KIAA1671: variants seen among roughly 807,000 people sequenced by gnomAD.
KIAA1671 encodes the protein KIAA1671, also known as uncharacterized protein KIAA1671.
In KIAA1671, 52 loss-of-function variants were observed where a neutral mutation model predicts 131.2. The ratio of observed to expected loss-of-function variants is 0.40; its 90% CI spans 0.32 to 0.50. The LOEUF is 0.50. Ranked by LOEUF, KIAA1671 falls within the 20% of genes least tolerant of loss-of-function variation. The pLI, the probability that KIAA1671 is intolerant of heterozygous loss-of-function variation, is 0.73. For missense variants in KIAA1671, 2,360 were observed against 2,364.2 expected, an observed-to-expected ratio of 1.00 and a Z score of 0.04; for synonymous variants, 1,003 against 961.6, an observed-to-expected ratio of 1.04 and a Z score of -0.80.
chr22:24,983,751 G>A (rs1390478133), intron 1 of KIAA1671, among the ~76,000 whole-genome samples: 1 of 151,058 alleles, frequency 6.6e-6, no homozygotes, highest in Non-Finnish European at 1.5e-5. Flanking sequence ...CCTGGGGTAT[G>A]GGGCCATGGA....
chr22:25,004,689 G>C (rs1207874267), intron 1 of KIAA1671, among the ~76,000 whole-genome samples: 1 of 150,870 alleles, frequency 6.6e-6, no homozygotes, highest in African/African-American at 2.4e-5. Context: ...ACTCACGCCT[G>C]TAATCCCAGC....
At chr22:25,025,493 T>C (rs2123897416) in intron 1 of KIAA1671, 140 bp from the exon 2 acceptor site, 1 of 152,248 alleles carries the variant, frequency 6.6e-6, no homozygotes, top group South Asian at 2.1e-4. Flanking sequence ...GGCTACAAAA[T>C]CGAAAAGCCA....
Position 25,039,916 on chromosome 22 carries a change from A to C in KIAA1671, c.2786A>C (p.Gln929Pro), listed in dbSNP as rs1319185584. The C allele has an allele frequency of 1.0e-5, 16 of 1,551,472 alleles. No individual in the cohort carries two copies. The highest frequency in any genetic ancestry group is 1.3e-5 in the Non-Finnish European group (15 of 1,146,976). ...EGDPGPAQVP[Q>P]PAVRMRKAGA... ...GATCCAGGGCCGGCCCAGGTGCCAC[A>C]GCCTGCAGTCAGAATGCGGAAAGCC... Residue 929 changes from glutamine (Q) to proline (P), a missense_variant, in exon 5 of 13, where the codon CAG becomes CCG. By Grantham distance (76) the Gln-to-Pro change is moderately conservative. Coordinates refer to ENST00000358431, the MANE Select transcript of KIAA1671 (RefSeq NM_001145206.2).
At chr22:25,128,091 A>C (rs1274648854) in intron 6 of KIAA1671, among the ~76,000 whole-genome samples, 1 of 152,170 alleles carries the variant, frequency 6.6e-6, no homozygotes, top group African/African-American at 2.4e-5. Context: ...AAAGATATGA[A>C]GATTGAACTC....
chr22:24,979,361 T>TTTA (rs1923103772), intron 1 of KIAA1671, among the ~76,000 whole-genome samples: 1 of 147,346 alleles, frequency 6.8e-6, no homozygotes, highest in African/African-American at 2.5e-5. Context: ...TTTATTTATT[T>TTTA]TTTTTTGAGA....
intron 9 of KIAA1671, among the ~76,000 whole-genome samples, chr22:25,178,454 A>G (rs1934121977): frequency 6.6e-6 from 1 of 152,254 alleles, no homozygotes; most frequent in Non-Finnish European, 1.5e-5. Flanking sequence ...AGGAGGGGCC[A>G]GCACTCCAAA....
intron 11 of KIAA1671, among the ~76,000 whole-genome samples, chr22:25,188,522 C>G (rs1934555015): frequency 6.7e-6 from 1 of 148,210 alleles, no homozygotes; most frequent in Non-Finnish European, 1.5e-5. Context: ...CTGAACAAGG[C>G]AGAGATTAGG....
intron 1 of KIAA1671, among the ~76,000 whole-genome samples, chr22:25,015,698 C>G (rs1273052806): frequency 6.7e-6 from 1 of 150,332 alleles, no homozygotes; most frequent in African/African-American, 2.4e-5. Context: ...TTCTCACAGT[C>G]TTTTAATATA....
At chr22:25,083,578 C>G (rs187678808) in intron 6 of KIAA1671, among the ~76,000 whole-genome samples, 25 of 152,348 alleles carry the variant, frequency 1.6e-4, no homozygotes, top group Non-Finnish European at 2.6e-4. Context: ...GAGAGGTTAA[C>G]TCACTTGCAG....
chr22:25,147,155 C>CTATTTTATTTTATTTTATTTTATTT (rs10526199), intron 6 of KIAA1671, among the ~76,000 whole-genome samples: 2 of 139,062 alleles, frequency 1.4e-5, no homozygotes, highest in South Asian at 2.5e-4. Flanking sequence ...TTATTTTTTA[C>CTATTTTATTTTATTTTATTTTATTT]TATTTTATTT....
At chr22:25,027,874 A>G (rs1422832129) in intron 2 of KIAA1671, 71 bp from the exon 3 acceptor site, 1 of 769,966 alleles carries the variant, frequency 1.3e-6, no homozygotes, top group Non-Finnish European at 2.0e-6. Flanking sequence ...CCATTTCTCT[A>G]AACCATTCTG....
intron 6 of KIAA1671, among the ~76,000 whole-genome samples, chr22:25,080,133 G>A (rs1216608102): frequency 1.3e-5 from 2 of 152,124 alleles, no homozygotes; most frequent in African/African-American, 4.8e-5. Flanking sequence ...CAGGGTAGAG[G>A]GTCTTGGGGG....
chr22:25,093,682 GAC>G (rs67802603), intron 6 of KIAA1671, among the ~76,000 whole-genome samples: 4,236 of 49,762 alleles, frequency 0.085, 224 homozygotes, highest in Admixed American at 0.16. Context: ...CCTGCCCCCC[GAC>G]ACACACACAC....
intron 5 of KIAA1671, among the ~76,000 whole-genome samples, chr22:25,044,310 T>C (rs920018774): frequency 1.3e-4 from 20 of 152,224 alleles, no homozygotes; most frequent in Non-Finnish European, 2.5e-4. Flanking sequence ...GTGTGCTTCC[T>C]GAGAAGGGTT....
At chr22:25,117,367 G>A (rs1248175989) in intron 6 of KIAA1671, among the ~76,000 whole-genome samples, 1 of 152,060 alleles carries the variant, frequency 6.6e-6, no homozygotes, top group African/African-American at 2.4e-5. Context: ...GGAAGTCACA[G>A]GACTGGGGAT....
At chr22:25,117,992 G>T (rs907191488) in intron 6 of KIAA1671, among the ~76,000 whole-genome samples, 2 of 151,838 alleles carry the variant, frequency 1.3e-5, no homozygotes, top group Non-Finnish European at 2.9e-5. Flanking sequence ...TACAAAATTA[G>T]CCCAGTGTGG....
chr22:25,183,515 C>CTCCT (rs1293676568), intron 10 of KIAA1671, among the ~76,000 whole-genome samples: 2 of 127,882 alleles, frequency 1.6e-5, no homozygotes, highest in Non-Finnish European at 3.2e-5. Context: ...TCCTTGTTCT[C>CTCCT]TCCTTCCTTC....
At position 25,081,111 on chromosome 22, in the gene KIAA1671, G is replaced by A. The variant is rs565290996; in HGVS notation, c.4530+31747G>A. ...GCAAGGCAGAAGCTTGGGAGGGCTG[G>A]ACATGTGGGCAAAATACTTCTAGGA... On this transcript the variant is annotated intron_variant, in intron 6 of 12. Transcript: ENST00000358431. Among the ~76,000 whole-genome samples the A allele has an allele frequency of 6.6e-5, 10 of 152,308 alleles. No individual in the cohort carries two copies. In the East Asian group the frequency reaches 1.9e-3, roughly 29 times the overall value.
intron 6 of KIAA1671, among the ~76,000 whole-genome samples, chr22:25,168,079 C>G (rs1041448306): frequency 1.3e-5 from 2 of 152,214 alleles, no homozygotes; most frequent in Admixed American, 6.5e-5. Flanking sequence ...AGTGCTGTCT[C>G]GGCTCAGTGT....
Sources: allele counts gnomAD v4.1 joint callset (sites outside exome capture counted in the v4.1 genomes callset), GRCh38; gene constraint gnomAD v4.1.1; transcripts MANE v1.5; gene names NCBI Gene and HGNC (gene_info 2026-07-23, HGNC 2026-07-21).